Variants in MYOZ3 observed in about 807,000 individuals in gnomAD.
The protein encoded by MYOZ3 is myozenin 3.
A neutral mutation model predicts 26.5 loss-of-function variants in MYOZ3; 19 were observed. The observed-to-expected ratio is 0.72, with a 90% CI of 0.50 to 1.05. The LOEUF (loss-of-function observed/expected upper bound fraction) is 1.05. Among genes scored for constraint, MYOZ3 ranks in the 50% least tolerant of loss-of-function variants. MYOZ3 has a pLI of 0.00. For synonymous variants in MYOZ3, 135 were observed against 138.8 expected, an observed-to-expected ratio of 0.97 and a Z score of 0.19; for missense variants, 322 against 337.1, an observed-to-expected ratio of 0.96 and a Z score of 0.35.
chr5:150,665,299 C>G (rs1369021434), intron 2 of MYOZ3, among the ~76,000 whole-genome samples: 1 of 152,050 alleles, frequency 6.6e-6, no homozygotes. Flanking sequence ...TCAGTGTGAC[C>G]CCGCGGGGAG....
chr5:150,666,840 A>G (rs927920357), intron 2 of MYOZ3, among the ~76,000 whole-genome samples: 1 of 151,522 alleles, frequency 6.6e-6, no homozygotes, highest in Non-Finnish European at 1.5e-5. Context: ...AGCTCATTGC[A>G]AACTTCACCT....
chr5:150,678,756 A>C lies in MYOZ3; in HGVS notation c.*1881A>C, dbSNP rs1460261709. 6.6e-6 allele frequency: 1 copy of C among 152,290 alleles called. No homozygotes were observed. Among genetic ancestry groups the C allele is most frequent in the African/African-American group, 2.4e-5 (1 of 41,456 alleles). 9.4% of individuals were successfully genotyped at this position (152,290 alleles called of 1,614,324 possible). A position where few individuals can be genotyped will look rare whatever the true frequency, so the allele number is the denominator to read the frequency against. On this transcript the variant is annotated 3_prime_UTR_variant, in exon 7 of 7. Transcript: ENST00000517768. The stretch of plus-strand genomic sequence containing the variant: ...TGAACACAGTGCAGGGCACATTTAT[A>C]ATAAGAGCTCAGTCAATGGTAGGTT...
intron 2 of MYOZ3, among the ~76,000 whole-genome samples, chr5:150,663,655 G>T (rs1343238119): frequency 1.3e-5 from 2 of 152,080 alleles, no homozygotes; most frequent in Non-Finnish European, 2.9e-5. Flanking sequence ...TACAATTTTG[G>T]AATCTGTTTA....
intron 3 of MYOZ3, 130 bp from the exon 4 acceptor site, chr5:150,671,467 C>G: frequency 1.1e-6 from 1 of 907,868 alleles, no homozygotes; most frequent in Non-Finnish European, 1.7e-6. Flanking sequence ...ACTAGTAACT[C>G]ATCCTTGTTC....
chr5:150,670,560 CAGAGGGTCCCTCCTCTTCCAGA>C lies in MYOZ3; in HGVS notation c.144_165del (p.Leu50AlafsTer10). ...TGGAGGAGCTGTCACTACGCAACAA[CAGAGGGTCCCTCCTCTTCCAGA>C]AGAGGCAGCGCCGTGTGCAGAAGTT... On this transcript the variant is annotated frameshift_variant, in exon 3 of 7. Coordinates refer to ENST00000517768, the MANE Select transcript of MYOZ3 (RefSeq NM_001122853.3). LOFTEE classifies it high-confidence loss of function. 1 of 1,613,358 alleles carries C rather than the reference CAGAGGGTCCCTCCTCTTCCAGA, an allele frequency of 6.2e-7. No homozygotes were observed. The highest frequency in any genetic ancestry group is 8.5e-7 in the Non-Finnish European group (1 of 1,179,714).
In MYOZ3 at chr5:150,670,518, G is replaced by T; in HGVS notation, c.96G>T (p.Val32=). Residue 32 remains valine (V), a synonymous_variant, in exon 3 of 7, where the codon GTG becomes GTT. Coordinates refer to ENST00000517768, the MANE Select transcript of MYOZ3 (RefSeq NM_001122853.3). ...TGGACCTGGGCAAGAAGCTGAGCGTGCCCCAGGACCTGATGATGGAGGAGC... is the reference window on the plus strand; with the variant it reads ...TGGACCTGGGCAAGAAGCTGAGCGTTCCCCAGGACCTGATGATGGAGGAGC... The part of the protein sequence containing the change: ...PTLDLGKKLS[V]PQDLMMEELS... The T allele has an allele frequency of 6.2e-7, 1 of 1,612,902 alleles. No homozygotes were observed. Among genetic ancestry groups the T allele is most frequent in the Middle Eastern group, 1.7e-4 (1 of 6,052 alleles).
chr5:150,666,261 C>T (rs1307466812), intron 2 of MYOZ3, among the ~76,000 whole-genome samples: 1 of 152,060 alleles, frequency 6.6e-6, no homozygotes, highest in Non-Finnish European at 1.5e-5. Flanking sequence ...GACATGTCTC[C>T]TTGGCATGTC....
At chr5:150,671,044 A>T (rs10067091) in intron 3 of MYOZ3, 1 of 161,766 alleles carries the variant, frequency 6.2e-6, no homozygotes, top group African/African-American at 2.4e-5. Flanking sequence ...GCCATGGAAT[A>T]ATCTGCTGGT....
intron 3 of MYOZ3, chr5:150,670,890 A>G (rs1758895605): frequency 5.4e-6 from 1 of 185,952 alleles, no homozygotes; most frequent in Admixed American, 6.1e-5. Context: ...TCCTACCAAA[A>G]AAAAAAAAAA....
chr5:150,676,545 A>G (rs1759010040), intron 6 of MYOZ3, among the ~76,000 whole-genome samples, 162 bp from the exon 7 acceptor site: 3 of 144,180 alleles, frequency 2.1e-5, no homozygotes, highest in Non-Finnish European at 3.0e-5. Context: ...CTCTGTCTCA[A>G]AAAAAAAAAA....
At position 150,671,796 on chromosome 5, in the gene MYOZ3, G is replaced by A. The variant is rs756673728; in HGVS notation, c.312G>A (p.Ser104=). Residue 104 remains serine, a synonymous_variant, in exon 5 of 7, where the codon TCG becomes TCA. Transcript: ENST00000517768. ...GCCCTGAGGGGCCGAACTACCGCTC[G>A]GAGCTCCACATCTTCCCGGCCTCAC... The part of the protein sequence containing the change: ...ANGPEGPNYR[S]ELHIFPASPG... 8.1e-6 allele frequency: 13 copies of A among 1,612,908 alleles called. No individual in the cohort carries two copies. Among genetic ancestry groups the A allele is most frequent in the Middle Eastern group, 1.6e-4 (1 of 6,080 alleles).
chr5:150,671,450 G>T (rs1470927535), intron 3 of MYOZ3, 147 bp from the exon 4 acceptor site: 4 of 790,436 alleles, frequency 5.1e-6, no homozygotes, highest in East Asian at 5.2e-5. Context: ...TGGGTTTAGC[G>T]TTGTAAACTA....
intron 6 of MYOZ3, among the ~76,000 whole-genome samples, chr5:150,673,788 A>T (rs1758962590): frequency 6.6e-6 from 1 of 152,198 alleles, no homozygotes; most frequent in East Asian, 1.9e-4. Flanking sequence ...TGGGCTGAGG[A>T]GTGCATGTTA....
intron 3 of MYOZ3, chr5:150,671,315 C>T (rs1758905479): frequency 8.1e-6 from 4 of 496,506 alleles, no homozygotes; most frequent in Non-Finnish European, 1.4e-5. Context: ...AGGAAGAGAT[C>T]TTCATCACCA....
chr5:150,678,802 G>C lies in MYOZ3; in HGVS notation c.*1927G>C, dbSNP rs1051198983. ...AGGTTTCATGCAACTGCTGCTCTAG[G>C]CTGGAAAAGTTGTTCTTGCACTGGA... On this transcript the variant is annotated 3_prime_UTR_variant, in exon 7 of 7. Transcript: ENST00000517768. 1.3e-5 allele frequency: 2 copies of C among 152,368 alleles called. No homozygotes were observed. The highest frequency in any genetic ancestry group is 2.9e-5 in the Non-Finnish European group (2 of 68,090). 9.4% of individuals were successfully genotyped at this position (152,368 alleles called of 1,614,324 possible). A position where few individuals can be genotyped will look rare whatever the true frequency, so the allele number is the denominator to read the frequency against.
At chr5:150,669,494 G>A (rs575663798) in intron 2 of MYOZ3, among the ~76,000 whole-genome samples, 3 of 152,036 alleles carry the variant, frequency 2.0e-5, no homozygotes, top group African/African-American at 7.2e-5. Context: ...AACCTCATAG[G>A]AATATAGTCA....
At chr5:150,670,116 CCTCTCTCA>C (rs1400707854) in intron 2 of MYOZ3, 1 of 162,190 alleles carries the variant, frequency 6.2e-6, no homozygotes, top group African/African-American at 2.4e-5. Flanking sequence ...TTGCAGTCAT[CCTCTCTCA>C]CTCATTGCCC....
intron 6 of MYOZ3, 171 bp downstream of exon 6, chr5:150,672,673 G>A (rs1581536337): frequency 1.4e-6 from 1 of 703,948 alleles, no homozygotes; most frequent in Non-Finnish European, 2.3e-6. Flanking sequence ...CACCTGGTAG[G>A]TGCTCAGTTA....
chr5:150,672,577 C>G, intron 6 of MYOZ3, 75 bp downstream of exon 6: 16 of 1,481,944 alleles, frequency 1.1e-5, no homozygotes, highest in Non-Finnish European at 1.4e-5. Context: ...CGGGAGCCTG[C>G]GTTTCCTGAG....
Sources: gnomAD v4.1 joint callset for allele counts (sites outside exome capture counted in the v4.1 genomes callset) on GRCh38, gnomAD v4.1.1 for gene constraint, MANE v1.5 for transcripts, NCBI Gene and HGNC (gene_info 2026-07-23, HGNC 2026-07-21) for gene names.